The following SNX10 variants were observed in gnomAD, a reference collection of about 807,000 sequenced individuals.
The protein encoded by SNX10 is sorting nexin 10.
A neutral mutation model predicts 28.5 loss-of-function variants in SNX10; 25 were observed. The observed-to-expected ratio is 0.88, with a 90% CI of 0.64 to 1.22. The LOEUF (loss-of-function observed/expected upper bound fraction) is 1.22. SNX10 is among the 50% of genes most tolerant of loss of function. The pLI is 0.00. For missense variants in SNX10, 223 were observed against 242.6 expected (o/e 0.92, Z 0.54); for synonymous variants, 62 against 81.4 (o/e 0.76, Z 1.28).
At chr7:26,351,613 A>G (rs1263470533) in intron 2 of SNX10, among the ~76,000 whole-genome samples, 1 of 150,522 alleles carries the variant, frequency 6.6e-6, no homozygotes, top group African/African-American at 2.4e-5. Context: ...GATTAATGAC[A>G]TTAGGTGAAA....
chr7:26,297,857 T>C (rs1786172484), intron 1 of SNX10, among the ~76,000 whole-genome samples: 1 of 152,138 alleles, frequency 6.6e-6, no homozygotes, highest in South Asian at 2.1e-4. Flanking sequence ...TTATGGATAT[T>C]ATATATATTA....
chr7:26,297,549 C>T (rs111651490), intron 1 of SNX10, among the ~76,000 whole-genome samples: 11 of 152,088 alleles, frequency 7.2e-5, no homozygotes, highest in African/African-American at 2.7e-4. Flanking sequence ...GCTACATTTC[C>T]CATCTTCACA....
intron 1 of SNX10, among the ~76,000 whole-genome samples, chr7:26,311,236 C>T (rs761910227): frequency 6.6e-6 from 1 of 152,190 alleles, no homozygotes; most frequent in Non-Finnish European, 1.5e-5. Context: ...GTACAACCTC[C>T]GCCTCTCGGG....
intron 1 of SNX10, among the ~76,000 whole-genome samples, chr7:26,300,844 C>T (rs1439429147): frequency 6.6e-6 from 1 of 151,816 alleles, no homozygotes. Context: ...CATGGCGAAA[C>T]CCCATCTCTA....
rs527577691 is a variant in SNX10, at chr7:26,369,841, A to C, written c.312-1980A>C. On this transcript the variant is annotated intron_variant, in intron 5 of 6. Transcript: ENST00000338523. ...GACAGTAGCCTTGAGGTCCCGATCA[A>C]CCTGGACTCTGATCACTTTTGTTTG... is the stretch of plus-strand genomic sequence containing the variant. Among the ~76,000 whole-genome samples the C allele has an allele frequency of 2.0e-5, 3 of 152,354 alleles. No homozygotes were observed. The South Asian group carries it at 6.2e-4, about 32-fold the overall frequency.
At chr7:26,340,914 C>G (rs1008847287) in intron 1 of SNX10, among the ~76,000 whole-genome samples, 37 of 152,274 alleles carry the variant, frequency 2.4e-4, no homozygotes, top group Non-Finnish European at 4.6e-4. Flanking sequence ...CAGGTGTGCA[C>G]CACCATCCCT....
intron 1 of SNX10, among the ~76,000 whole-genome samples, chr7:26,314,348 C>G (rs1174722824): frequency 6.6e-6 from 1 of 150,850 alleles, no homozygotes; most frequent in African/African-American, 2.4e-5. Flanking sequence ...ACCTCTGCCT[C>G]CATTCAAACG....
intron 1 of SNX10, among the ~76,000 whole-genome samples, chr7:26,304,069 T>A (rs1363226401): frequency 6.6e-6 from 1 of 152,172 alleles, no homozygotes; most frequent in African/African-American, 2.4e-5. Flanking sequence ...AAAAGGAACA[T>A]AGAATTGAGA....
chr7:26,305,045 G>A (rs777193032), intron 1 of SNX10, among the ~76,000 whole-genome samples: 4 of 152,078 alleles, frequency 2.6e-5, no homozygotes, highest in African/African-American at 4.8e-5. Flanking sequence ...TGTCAGCCCC[G>A]ACACAAACTC....
At chr7:26,340,094 G>A (rs1300361610) in intron 1 of SNX10, among the ~76,000 whole-genome samples, 1 of 151,816 alleles carries the variant, frequency 6.6e-6, no homozygotes, top group Non-Finnish European at 1.5e-5. Flanking sequence ...CTCCTTACAT[G>A]TATAGTCCAC....
chr7:26,309,459 T>C (rs1786734829), intron 1 of SNX10, among the ~76,000 whole-genome samples: 2 of 152,098 alleles, frequency 1.3e-5, no homozygotes, highest in African/African-American at 4.8e-5. Context: ...GACTTGCCAC[T>C]GTCCTCTGCT....
At position 26,360,903 on chromosome 7, in the gene SNX10, C is replaced by A. The variant is rs1038442299; in HGVS notation, c.25-72C>A. 21 of 1,580,946 alleles carry A rather than the reference C, an allele frequency of 1.3e-5. No homozygotes were observed. In the East Asian group the frequency reaches 4.1e-4, roughly 31 times the overall value. ...CATTTCAGTTTTGTTTTAGTGCAGTCGTTTTGTTCAGTTCTTTCCAGTCCT... is the reference window on the plus strand; with the variant it reads ...CATTTCAGTTTTGTTTTAGTGCAGTAGTTTTGTTCAGTTCTTTCCAGTCCT... On this transcript the variant is annotated intron_variant, in intron 2 of 6. Coordinates refer to ENST00000338523, the MANE Select transcript of SNX10 (RefSeq NM_013322.3).
At chr7:26,313,634 T>A (rs1230318250) in intron 1 of SNX10, among the ~76,000 whole-genome samples, 1 of 152,112 alleles carries the variant, frequency 6.6e-6, no homozygotes, top group East Asian at 1.9e-4. Flanking sequence ...TCTGTCCTTT[T>A]CCTGAACATT....
rs114380591 is a variant in SNX10, at chr7:26,365,835, C to T, written c.311+690C>T. 7.9e-4 allele frequency among the ~76,000 whole-genome samples: 96 copies of T among 122,244 alleles called. 1 individual carries two copies. Among genetic ancestry groups the T allele is most frequent in the African/African-American group, 2.5e-3 (88 of 35,096 alleles). 80.2% of individuals were successfully genotyped at this position (122,244 alleles called of 152,430 possible). On this transcript the variant is annotated intron_variant, in intron 5 of 6. Transcript: ENST00000338523. ...GCCAGGCTACCTGAGTTCAGATCCT[C>T]GCTCTGCCACTTACTAGCTGGGGGC...
rs1562825219 is a variant in SNX10, at chr7:26,372,007, A to C, written c.498A>C (p.Glu166Asp). The C allele has an allele frequency of 1.9e-6, 3 of 1,609,238 alleles. No individual in the cohort carries two copies. In the Admixed American group the frequency reaches 5.0e-5, roughly 27 times the overall value. Residue 166 changes from glutamate to aspartate, a missense_variant, in exon 6 of 7, where the codon GAA (glutamate) becomes GAC (aspartate). Physicochemically the swap from Glu to Asp is conservative, Grantham distance 45 (BLOSUM62 2). Coordinates refer to ENST00000338523, the MANE Select transcript of SNX10 (RefSeq NM_013322.3). ...AAGAAGATGAAGAAGGAAAAAAAGA[A>C]AATGATATAGATTATGATTCAGAAA... is the stretch of plus-strand genomic sequence containing the variant. ...FPEEDEEGKK[E>D]NDIDYDSESS...
chr7:26,333,072 A>G (rs982522274), intron 1 of SNX10, among the ~76,000 whole-genome samples: 10 of 152,142 alleles, frequency 6.6e-5, no homozygotes, highest in Non-Finnish European at 1.0e-4. Context: ...TGCAATTCCT[A>G]TGAATTTTAA....
At chr7:26,366,220 G>C (rs2128025490) in intron 5 of SNX10, among the ~76,000 whole-genome samples, 1 of 152,304 alleles carries the variant, frequency 6.6e-6, no homozygotes, top group South Asian at 2.1e-4. Flanking sequence ...CTTAGAGCTA[G>C]CCTGAAATAA....
At chr7:26,327,287 A>C (rs1216100210) in intron 1 of SNX10, among the ~76,000 whole-genome samples, 1 of 152,278 alleles carries the variant, frequency 6.6e-6, no homozygotes, top group East Asian at 1.9e-4. Flanking sequence ...CCCTTCCAGT[A>C]AGCATATGTC....
intron 1 of SNX10, among the ~76,000 whole-genome samples, chr7:26,300,358 T>C (rs1584087147): frequency 6.6e-6 from 1 of 151,888 alleles, no homozygotes; most frequent in Non-Finnish European, 1.5e-5. Context: ...TCCCAAAGGG[T>C]TTAGGATTAC....
Sources: gnomAD v4.1 joint callset for allele counts (sites outside exome capture counted in the v4.1 genomes callset) on GRCh38, gnomAD v4.1.1 for gene constraint, MANE v1.5 for transcripts, NCBI Gene and HGNC (gene_info 2026-07-23, HGNC 2026-07-21) for gene names.